Variants in ADCY2 observed in about 807,000 individuals in gnomAD.
ADCY2 encodes adenylate cyclase 2, also known as adenylate cyclase type 2.
A neutral mutation model predicts 125.2 loss-of-function variants in ADCY2; 31 were observed. That is an observed-to-expected ratio of 0.25 (90% CI 0.19 to 0.33). ADCY2 has a LOEUF of 0.33. Among genes scored for constraint, ADCY2 ranks in the 10% least tolerant of loss-of-function variants. The pLI is 1.00. For synonymous variants in ADCY2, 512 were observed against 548.4 expected (o/e 0.93, Z 0.93); for missense variants, 904 against 1,418.2 (o/e 0.64, Z 5.82).
chr5:7,699,886 C>G (rs1741025533), intron 7 of ADCY2, among the ~76,000 whole-genome samples: 1 of 152,180 alleles, frequency 6.6e-6, no homozygotes, highest in African/African-American at 2.4e-5. Context: ...CCTGACCCAG[C>G]CTAGTATTGT....
At chr5:7,510,520 C>G (rs1744015248) in intron 2 of ADCY2, among the ~76,000 whole-genome samples, 1 of 152,182 alleles carries the variant, frequency 6.6e-6, no homozygotes, top group Non-Finnish European at 1.5e-5. Context: ...GAGTATATTC[C>G]TAACAAGTTC....
At chr5:7,540,406 T>C (rs918956540) in intron 3 of ADCY2, among the ~76,000 whole-genome samples, 2 of 152,222 alleles carry the variant, frequency 1.3e-5, no homozygotes, top group African/African-American at 2.4e-5. Flanking sequence ...TTTTATCTAA[T>C]TGGTCTCAAC....
At chr5:7,583,226 TG>T (rs2126614876) in intron 3 of ADCY2, among the ~76,000 whole-genome samples, 1 of 152,152 alleles carries the variant, frequency 6.6e-6, no homozygotes, top group Admixed American at 6.5e-5. Flanking sequence ...ACTTTACTCA[TG>T]AATTGGAAAC....
chr5:7,553,641 TGA>T (rs1372929899), intron 3 of ADCY2, among the ~76,000 whole-genome samples: 1 of 152,116 alleles, frequency 6.6e-6, no homozygotes, highest in Admixed American at 6.5e-5. Flanking sequence ...CAGACAAGCA[TGA>T]CATTGCTGCA....
At chr5:7,610,140 G>A (rs1243649944) in intron 3 of ADCY2, among the ~76,000 whole-genome samples, 1 of 152,226 alleles carries the variant, frequency 6.6e-6, no homozygotes, top group East Asian at 1.9e-4. Context: ...GAAGAAAGAT[G>A]TAGGCTAGAG....
At position 7,515,134 on chromosome 5, in the gene ADCY2, T is replaced by C. The variant is rs569344443; in HGVS notation, c.409-5604T>C. Among the ~76,000 whole-genome samples the C allele has an allele frequency of 3.4e-4, 52 of 152,340 alleles. 1 individual carries two copies. Among genetic ancestry groups the C allele is most frequent in the Admixed American group, 2.9e-3 (45 of 15,306 alleles). ...CTACCTTTGTTCGGCTGCACAATTA[T>C]GCCACTGCCTTTTAAAAAATTCAGC... On this transcript the variant is annotated intron_variant, in intron 2 of 24. Coordinates refer to ENST00000338316, the MANE Select transcript of ADCY2 (RefSeq NM_020546.3).
intron 22 of ADCY2, among the ~76,000 whole-genome samples, chr5:7,810,025 T>A (rs1744882327): frequency 6.6e-6 from 1 of 152,230 alleles, no homozygotes; most frequent in Non-Finnish European, 1.5e-5. Context: ...CCCATCTCAA[T>A]GGCCCTTCGT....
chr5:7,661,370 CT>C (rs1189106575), intron 4 of ADCY2, among the ~76,000 whole-genome samples: 1 of 152,052 alleles, frequency 6.6e-6, no homozygotes, highest in Non-Finnish European at 1.5e-5. Context: ...AAAATGCATA[CT>C]TGGCAAAAGC....
chr5:7,529,905 G>T (rs1295346618), intron 3 of ADCY2, among the ~76,000 whole-genome samples: 1 of 152,216 alleles, frequency 6.6e-6, no homozygotes, highest in Admixed American at 6.5e-5. Flanking sequence ...TTTGCTAGTT[G>T]TTGGACTTGC....
chr5:7,624,584 C>G (rs1738062579), intron 3 of ADCY2, among the ~76,000 whole-genome samples: 1 of 152,150 alleles, frequency 6.6e-6, no homozygotes. Flanking sequence ...CAAGTTAGAC[C>G]AATTTCTCCT....
intron 2 of ADCY2, among the ~76,000 whole-genome samples, chr5:7,445,595 T>G (rs906916828): frequency 1.3e-5 from 2 of 152,250 alleles, no homozygotes; most frequent in African/African-American, 2.4e-5. Flanking sequence ...CTTTGTGATC[T>G]CATCCAAAAA....
intron 4 of ADCY2, among the ~76,000 whole-genome samples, chr5:7,676,588 G>A (rs1050277941): frequency 6.6e-6 from 1 of 152,142 alleles, no homozygotes; most frequent in Non-Finnish European, 1.5e-5. Flanking sequence ...AACTGAAAGT[G>A]AGTCACTGCA....
chr5:7,703,469 T>C (rs1021904593), intron 7 of ADCY2, among the ~76,000 whole-genome samples: 4 of 151,966 alleles, frequency 2.6e-5, no homozygotes, highest in African/African-American at 9.7e-5. Flanking sequence ...CAGCACCATT[T>C]ATTAAATAGG....
chr5:7,542,494 G>A (rs1735026237), intron 3 of ADCY2, among the ~76,000 whole-genome samples: 1 of 152,150 alleles, frequency 6.6e-6, no homozygotes, highest in Admixed American at 6.6e-5. Flanking sequence ...CCTGAGCTCT[G>A]TTCCAATTCT....
At chr5:7,790,770 G>C (rs1236906822) in intron 20 of ADCY2, among the ~76,000 whole-genome samples, 2 of 152,210 alleles carry the variant, frequency 1.3e-5, no homozygotes, top group Non-Finnish European at 2.9e-5. Flanking sequence ...AATACTGAAA[G>C]GGGAAAGAGT....
intron 14 of ADCY2, among the ~76,000 whole-genome samples, chr5:7,742,300 A>T (rs1285080977): frequency 6.6e-6 from 1 of 152,130 alleles, no homozygotes; most frequent in Non-Finnish European, 1.5e-5. Context: ...GCAGGATCAC[A>T]TCTTACTCAT....
chr5:7,668,947 T>C (rs1294713250), intron 4 of ADCY2, among the ~76,000 whole-genome samples: 2 of 152,252 alleles, frequency 1.3e-5, no homozygotes, highest in African/African-American at 4.8e-5. Context: ...AATCCATGTC[T>C]ACTCCACTAT....
At chr5:7,647,699 T>C (rs1738946934) in intron 4 of ADCY2, among the ~76,000 whole-genome samples, 1 of 152,188 alleles carries the variant, frequency 6.6e-6, no homozygotes, top group South Asian at 2.1e-4. Context: ...ATAAACCAGC[T>C]AGTGTGTTGC....
chr5:7,727,330 A>G, intron 14 of ADCY2, 69 bp downstream of exon 14: 1 of 1,238,490 alleles, frequency 8.1e-7, no homozygotes, highest in South Asian at 1.3e-5. Context: ...AGTTATATTT[A>G]AAGGTGTGAA....
Sources: gnomAD v4.1 joint callset for allele counts (sites outside exome capture counted in the v4.1 genomes callset) on GRCh38, gnomAD v4.1.1 for gene constraint, MANE v1.5 for transcripts, NCBI Gene and HGNC (gene_info 2026-07-23, HGNC 2026-07-21) for gene names.